The following PDE4D variants were observed in gnomAD, a reference collection of about 807,000 sequenced individuals.
PDE4D encodes phosphodiesterase 4D, also known as 3',5'-cyclic-AMP phosphodiesterase 4D.
A neutral mutation model predicts 87.4 loss-of-function variants in PDE4D; 24 were observed. The ratio of observed to expected loss-of-function variants is 0.27; its 90% confidence interval spans 0.20 to 0.39. The LOEUF is 0.39. Ranked by LOEUF, PDE4D falls within the 10% of genes least tolerant of loss-of-function variation. PDE4D has a pLI of 1.00. For synonymous variants in PDE4D, 384 were observed against 383.2 expected (o/e 1.00, Z -0.02); for missense variants, 714 against 1,041.0 (o/e 0.69, Z 4.32).
intron 3 of PDE4D, among the ~76,000 whole-genome samples, chr5:59,909,108 T>C (rs989109306): frequency 6.6e-6 from 1 of 152,236 alleles, no homozygotes; most frequent in Non-Finnish European, 1.5e-5. Context: ...TGATTTCTTA[T>C]ACCCAAACAT....
chr5:59,526,787 C>T lies in PDE4D; in HGVS notation c.456-310819G>A, dbSNP rs1201089534. 2.0e-5 allele frequency among the ~76,000 whole-genome samples: 3 copies of T among 152,046 alleles called. No individual in the cohort carries two copies. In the Middle Eastern group the frequency reaches 0.01, roughly 517 times the overall value. The stretch of plus-strand genomic sequence containing the variant: ...TACATGTGCATGCCACCATGCTTGG[C>T]TATTTTTTTTGTATTTTTTGTACAT... On this transcript the variant is annotated intron_variant, in intron 1 of 14. Transcript: ENST00000340635.
chr5:60,099,567 T>C (rs1264568272), intron 2 of PDE4D, among the ~76,000 whole-genome samples: 2 of 151,764 alleles, frequency 1.3e-5, no homozygotes, highest in African/African-American at 2.4e-5. Flanking sequence ...CAACACCAAA[T>C]GCCCAGTGAA....
intron 1 of PDE4D, among the ~76,000 whole-genome samples, chr5:59,862,059 A>G (rs551233765): frequency 6.6e-6 from 1 of 152,152 alleles, no homozygotes; most frequent in East Asian, 1.9e-4. Flanking sequence ...TGCCCAGGGG[A>G]CCACTCAACA....
chr5:59,812,088 C>G (rs1438702272), intron 1 of PDE4D, among the ~76,000 whole-genome samples: 1 of 152,190 alleles, frequency 6.6e-6, no homozygotes, highest in Non-Finnish European at 1.5e-5. Flanking sequence ...ATTTTGTTCT[C>G]ATTTTTAGGC....
chr5:59,640,176 T>G (rs1394339726), intron 1 of PDE4D, among the ~76,000 whole-genome samples: 1 of 152,148 alleles, frequency 6.6e-6, no homozygotes, highest in Non-Finnish European at 1.5e-5. Flanking sequence ...GATATTTGAT[T>G]TTTACCATAA....
chr5:60,101,268 C>T (rs188117762), intron 2 of PDE4D, among the ~76,000 whole-genome samples: 449 of 152,150 alleles, frequency 3.0e-3, no homozygotes, highest in Middle Eastern at 6.8e-3. Context: ...ATTCAAAGCT[C>T]AGGAAATCTG....
At chr5:59,345,059 G>A (rs184011653) in intron 1 of PDE4D, among the ~76,000 whole-genome samples, 51 of 151,852 alleles carry the variant, frequency 3.4e-4, no homozygotes, top group Admixed American at 6.6e-4. Flanking sequence ...ATATATTACC[G>A]GAATCTTAAC....
chr5:60,422,282 G>C (rs963590650), intron 1 of PDE4D, among the ~76,000 whole-genome samples: 1 of 152,142 alleles, frequency 6.6e-6, no homozygotes, highest in Admixed American at 6.5e-5. Context: ...AAATGTTAAG[G>C]GCAGCCAGAG....
At chr5:59,864,571 A>G (rs970142054) in intron 1 of PDE4D, among the ~76,000 whole-genome samples, 2 of 152,202 alleles carry the variant, frequency 1.3e-5, no homozygotes, top group African/African-American at 4.8e-5. Flanking sequence ...GCATTTCACT[A>G]TGCTTAGCAA....
intron 1 of PDE4D, among the ~76,000 whole-genome samples, chr5:59,465,914 C>A (rs1801520274): frequency 6.6e-6 from 1 of 152,164 alleles, no homozygotes; most frequent in Non-Finnish European, 1.5e-5. Context: ...GACTTAGTAA[C>A]CCACCCAAAG....
At chr5:59,189,244 G>GTTTTTTTTT (rs1392753870) in intron 3 of PDE4D, among the ~76,000 whole-genome samples, 1 of 91,388 alleles carries the variant, frequency 1.1e-5, no homozygotes. Context: ...TTTTTTTTTT[G>GTTTTTTTTT]TTTTTTTTGT....
intron 1 of PDE4D, among the ~76,000 whole-genome samples, chr5:59,747,473 C>T (rs1319167599): frequency 2.0e-5 from 3 of 152,126 alleles, no homozygotes; most frequent in Non-Finnish European, 4.4e-5. Flanking sequence ...ACCATGATGA[C>T]TTTGAATTTG....
chr5:59,849,108 T>C (rs1744301901), intron 1 of PDE4D, among the ~76,000 whole-genome samples: 1 of 152,042 alleles, frequency 6.6e-6, no homozygotes, highest in Non-Finnish European at 1.5e-5. Context: ...GTTTAAAATC[T>C]AAAATGTATT....
rs543140789 is a variant in PDE4D, at chr5:59,648,757, A to G, written c.455+244411T>C. ...AAAATAAGGTTTAATGGAGGAAATT[A>G]TTGCTGTATTCTCTTGCATTATCAA... is the stretch of plus-strand genomic sequence containing the variant. On this transcript the variant is annotated intron_variant, in intron 1 of 14. Transcript: ENST00000340635. Among the ~76,000 whole-genome samples, 8 of 152,026 alleles carry G rather than the reference A, an allele frequency of 5.3e-5. No individual in the cohort carries two copies. In the East Asian group the frequency reaches 1.4e-3, roughly 26 times the overall value.
intron 1 of PDE4D, among the ~76,000 whole-genome samples, chr5:59,372,599 G>C (rs1004239323): frequency 6.6e-6 from 1 of 152,246 alleles, no homozygotes; most frequent in Non-Finnish European, 1.5e-5. Context: ...ACTCCTGCTT[G>C]TGGGGCACAG....
At chr5:60,397,799 C>T (rs1164062570) in intron 1 of PDE4D, among the ~76,000 whole-genome samples, 1 of 152,144 alleles carries the variant, frequency 6.6e-6, no homozygotes, top group African/African-American at 2.4e-5. Flanking sequence ...TAATCTCATC[C>T]TTTGTGCTAT....
chr5:59,362,280 A>G (rs191504736), intron 1 of PDE4D, among the ~76,000 whole-genome samples: 328 of 152,314 alleles, frequency 2.2e-3, no homozygotes, highest in Non-Finnish European at 3.7e-3. Context: ...AAAAATTGCC[A>G]ATTGGTTACT....
At chr5:60,235,925 T>C (rs1746375154) in intron 1 of PDE4D, among the ~76,000 whole-genome samples, 2 of 151,942 alleles carry the variant, frequency 1.3e-5, no homozygotes. Context: ...AATGAAACAA[T>C]TCATCCCCAC....
intron 5 of PDE4D, among the ~76,000 whole-genome samples, chr5:59,178,444 C>T (rs1015878213): frequency 6.6e-6 from 1 of 152,148 alleles, no homozygotes; most frequent in African/African-American, 2.4e-5. Flanking sequence ...ACCTTAATTT[C>T]TTAATTTCTG....
Sources: allele counts gnomAD v4.1 joint callset (sites outside exome capture counted in the v4.1 genomes callset), GRCh38; gene constraint gnomAD v4.1.1; transcripts MANE v1.5; gene names NCBI Gene and HGNC (gene_info 2026-07-23, HGNC 2026-07-21).